Variants in PLEKHA7 observed in about 807,000 individuals in gnomAD.
The protein encoded by PLEKHA7 is pleckstrin homology domain containing A7.
Under a neutral mutation model 170.0 loss-of-function variants are expected in PLEKHA7, and 104 were observed. The ratio of observed to expected loss-of-function variants is 0.61; its 90% CI spans 0.52 to 0.72. The LOEUF (loss-of-function observed/expected upper bound fraction) is 0.72, where lower values mean the gene tolerates loss of function less well. PLEKHA7 is among the 30% of genes least tolerant of loss of function. The pLI is 0.00. For synonymous variants in PLEKHA7, 648 were observed against 660.8 expected, an observed-to-expected ratio of 0.98 and a Z score of 0.30; for missense variants, 1,615 against 1,671.7, an observed-to-expected ratio of 0.97 and a Z score of 0.59.
rs181530487 is a variant in PLEKHA7, at chr11:16,808,932, T to G, written c.2007+4181A>C. On this transcript the variant is annotated intron_variant, in intron 13 of 26. Transcript: ENST00000531066. ...AGTTGCTGCGTACATGTCCCAGCAG[T>G]GTAACTTTGCAGAAGTTACTTTATT... Among the ~76,000 whole-genome samples, 399 of 152,342 alleles carry G rather than the reference T, an allele frequency of 2.6e-3. 1 individual carries two copies. Among genetic ancestry groups the G allele is most frequent in the African/African-American group, 9.0e-3 (376 of 41,570 alleles).
chr11:16,888,450 C>T (rs1856346817), intron 3 of PLEKHA7, among the ~76,000 whole-genome samples: 1 of 152,308 alleles, frequency 6.6e-6, no homozygotes, highest in Non-Finnish European at 1.5e-5. Context: ...GTTGCTGTGT[C>T]TGTGTAGAGG....
intron 3 of PLEKHA7, among the ~76,000 whole-genome samples, chr11:16,996,301 G>A (rs1008330930): frequency 6.6e-6 from 1 of 152,186 alleles, no homozygotes; most frequent in African/African-American, 2.4e-5. Context: ...CCTATTTCAA[G>A]TCAGGAGTGA....
At chr11:16,916,793 C>G (rs1162786846) in intron 3 of PLEKHA7, among the ~76,000 whole-genome samples, 3 of 152,044 alleles carry the variant, frequency 2.0e-5, no homozygotes, top group Admixed American at 1.3e-4. Flanking sequence ...CTCTTTTTTT[C>G]CCACCATAAA....
chr11:16,788,984 A>C lies in PLEKHA7; in HGVS notation c.3357+112T>G, dbSNP rs1590120370. 8.3e-6 allele frequency: 11 copies of C among 1,319,794 alleles called. No individual in the cohort carries two copies. In the South Asian group the frequency reaches 1.2e-4, roughly 15 times the overall value. The allele number at this position is 1,319,794 out of a possible 1,614,324, so 81.8% of individuals were successfully genotyped here. A position where few individuals can be genotyped will look rare whatever the true frequency, so the allele number is the denominator to read the frequency against. On this transcript the variant is annotated intron_variant, in intron 23 of 26. Transcript: ENST00000531066. ...CCGTGGGGTGTTCTCTGAACCATGTAGGTCAATGGACAGCTCTCTCACTGG... is the reference window on the plus strand; with the variant it reads ...CCGTGGGGTGTTCTCTGAACCATGTCGGTCAATGGACAGCTCTCTCACTGG...
intron 8 of PLEKHA7, among the ~76,000 whole-genome samples, chr11:16,843,221 G>A (rs1433587440): frequency 6.6e-6 from 1 of 152,216 alleles, no homozygotes; most frequent in Non-Finnish European, 1.5e-5. Flanking sequence ...ATCCAGAAGT[G>A]AGGGTGATTA....
At chr11:16,950,828 CTATAGA>C (rs1168154436) in intron 3 of PLEKHA7, among the ~76,000 whole-genome samples, 1 of 152,188 alleles carries the variant, frequency 6.6e-6, no homozygotes, top group African/African-American at 2.4e-5. Context: ...GGCCTTTATG[CTATAGA>C]TAAAGTGTTT....
intron 3 of PLEKHA7, chr11:17,013,327 TC>T (rs1264600621): frequency 6.6e-6 from 1 of 152,320 alleles, no homozygotes; most frequent in African/African-American, 2.4e-5. Context: ...TGCGGAAAAG[TC>T]GCCCGTGGAC....
intron 3 of PLEKHA7, among the ~76,000 whole-genome samples, chr11:17,005,919 G>C (rs1029721131): frequency 2.0e-5 from 3 of 152,154 alleles, no homozygotes; most frequent in Non-Finnish European, 4.4e-5. Context: ...TGCCAAGCTG[G>C]GAAAACCTTT....
chr11:16,996,958 C>CA (rs1356812637), intron 3 of PLEKHA7, among the ~76,000 whole-genome samples: 4 of 152,002 alleles, frequency 2.6e-5, no homozygotes, highest in Admixed American at 2.0e-4. Context: ...AGTTGAATCT[C>CA]AGAGTGGTTC....
Position 16,855,806 on chromosome 11 carries a change from G to C in PLEKHA7, c.414C>G (p.Pro138=). 6.2e-7 allele frequency: 1 copy of C among 1,604,008 alleles called. No individual in the cohort carries two copies. The highest frequency in any genetic ancestry group is 8.5e-7 in the Non-Finnish European group (1 of 1,172,246). Residue 138 remains proline, a synonymous_variant, in exon 5 of 27, where the codon CCC becomes CCG. Transcript: ENST00000531066. The part of the protein sequence containing the change: ...TASTLEAKPG[P]KIIKSSSKVH... ...GAACAAGTGGCCAGGAGCTCACCTT[G>C]GGTCCAGGCTTGGCCTCCAGGGTGG...
intron 3 of PLEKHA7, among the ~76,000 whole-genome samples, chr11:16,997,370 C>A (rs536107461): frequency 5.9e-5 from 9 of 152,266 alleles, no homozygotes; most frequent in African/African-American, 2.2e-4. Context: ...AATGCCAAAC[C>A]CTTCCACTGT....
intron 4 of PLEKHA7, among the ~76,000 whole-genome samples, chr11:16,865,641 G>A (rs181943009): frequency 5.7e-4 from 87 of 151,448 alleles, no homozygotes; most frequent in African/African-American, 2.1e-3. Flanking sequence ...AGGTTGCAAT[G>A]ACCCAAGATC....
intron 3 of PLEKHA7, among the ~76,000 whole-genome samples, chr11:16,936,794 T>C (rs1860334532): frequency 6.6e-6 from 1 of 152,250 alleles, no homozygotes; most frequent in Non-Finnish European, 1.5e-5. Flanking sequence ...TCAGGCGATA[T>C]TGGAATGTAG....
chr11:16,909,155 G>A (rs1169324809), intron 3 of PLEKHA7, among the ~76,000 whole-genome samples: 1 of 152,126 alleles, frequency 6.6e-6, no homozygotes, highest in Non-Finnish European at 1.5e-5. Context: ...CGTACAGTAA[G>A]TACTCAGCAG....
At chr11:16,906,582 C>T (rs1343953859) in intron 3 of PLEKHA7, among the ~76,000 whole-genome samples, 2 of 138,758 alleles carry the variant, frequency 1.4e-5, no homozygotes, top group Non-Finnish European at 3.0e-5. Flanking sequence ...CTCGGCCTCC[C>T]GAGGTGCCGG....
intron 13 of PLEKHA7, among the ~76,000 whole-genome samples, chr11:16,809,868 G>A (rs1849241187): frequency 6.6e-6 from 1 of 152,176 alleles, no homozygotes; most frequent in Non-Finnish European, 1.5e-5. Context: ...CTGTCTCTAT[G>A]CCTCTCCTGA....
chr11:16,974,789 G>A lies in PLEKHA7; in HGVS notation c.221+39200C>T. On this transcript the variant is annotated intron_variant, in intron 3 of 26. Coordinates refer to ENST00000531066, the MANE Select transcript of PLEKHA7 (RefSeq NM_001329630.2). ...CCAGCATTCTCTTAGATCTGCAGTT[G>A]GGCTCAACGCACTCAAGCCTTAGCA... The A allele has an allele frequency of 5.1e-6, 4 of 788,596 alleles. 1 individual carries two copies. The highest frequency in any genetic ancestry group is 3.2e-6 in the Non-Finnish European group (2 of 632,448). 48.8% of individuals were successfully genotyped at this position (788,596 alleles called of 1,614,324 possible).
chr11:16,801,112 C>A, intron 16 of PLEKHA7, 37 bp from the exon 17 acceptor site: 2 of 1,577,226 alleles, frequency 1.3e-6, no homozygotes, highest in Non-Finnish European at 1.7e-6. Context: ...TCTTAGTTAT[C>A]CCCTGCCCCC....
chr11:16,963,134 G>C (rs1177255769), intron 3 of PLEKHA7, among the ~76,000 whole-genome samples: 1 of 152,176 alleles, frequency 6.6e-6, no homozygotes, highest in South Asian at 2.1e-4. Context: ...AGTCCTCCTA[G>C]AGGAGGGCCA....
Sources: gnomAD v4.1 joint callset for allele counts (sites outside exome capture counted in the v4.1 genomes callset) on GRCh38, gnomAD v4.1.1 for gene constraint, MANE v1.5 for transcripts, NCBI Gene and HGNC (gene_info 2026-07-23, HGNC 2026-07-21) for gene names.